The following CBFA2T2 variants were observed in gnomAD, a reference collection of about 807,000 sequenced individuals.
CBFA2T2 encodes CBFA2/RUNX1 partner transcriptional co-repressor 2, also known as protein CBFA2T2.
A neutral mutation model predicts 62.2 loss-of-function variants in CBFA2T2; 11 were observed. That is an observed-to-expected ratio of 0.18 (90% CI 0.11 to 0.29). The LOEUF (loss-of-function observed/expected upper bound fraction) is 0.29. Ranked by LOEUF, CBFA2T2 falls within the 10% of genes least tolerant of loss-of-function variation. CBFA2T2 has a pLI of 1.00. For missense variants in CBFA2T2, 592 were observed against 774.1 expected, an observed-to-expected ratio of 0.76 and a Z score of 2.79; for synonymous variants, 295 against 287.5, an observed-to-expected ratio of 1.03 and a Z score of -0.27.
At chr20:33,589,144 T>G (rs1282405308) in intron 1 of CBFA2T2, among the ~76,000 whole-genome samples, 1 of 152,066 alleles carries the variant, frequency 6.6e-6, no homozygotes, top group Admixed American at 6.6e-5. Context: ...AGCTGCAACA[T>G]AAAAGTGGTG....
chr20:33,638,203 G>C (rs1262513588), intron 9 of CBFA2T2, among the ~76,000 whole-genome samples: 1 of 151,854 alleles, frequency 6.6e-6, no homozygotes, highest in African/African-American at 2.4e-5. Flanking sequence ...TCGAACTCTT[G>C]ACTTCAGGTG....
chr20:33,490,285 A>G lies in CBFA2T2; in HGVS notation c.18A>G (p.Gly6=). MVGVP[G]AAAFQLGPEK... ...GCTCGGCGATGGTAGGCGTCCCTGGAGCGGCCGCCTTCCAGCGTAAGTGGG... is the reference window on the plus strand; with the variant it reads ...GCTCGGCGATGGTAGGCGTCCCTGGGGCGGCCGCCTTCCAGCGTAAGTGGG... The change falls in exon 1 of 11, where the codon GGA becomes GGG. Residue 6 remains glycine, a synonymous_variant. Coordinates refer to ENST00000342704, the MANE Select transcript of CBFA2T2 (RefSeq NM_001032999.3). 7.9e-7 allele frequency: 1 copy of G among 1,265,310 alleles called. No individual in the cohort carries two copies. The highest frequency in any genetic ancestry group is 3.4e-5 in the South Asian group (1 of 29,276). The allele number at this position is 1,265,310 out of a possible 1,614,324, so 78.4% of individuals were successfully genotyped here. A position where few individuals can be genotyped will look rare whatever the true frequency, so the allele number is the denominator to read the frequency against.
chr20:33,547,799 A>G (rs2012624274), intron 1 of CBFA2T2, among the ~76,000 whole-genome samples: 1 of 151,998 alleles, frequency 6.6e-6, no homozygotes, highest in Non-Finnish European at 1.5e-5. Flanking sequence ...AGGCACTCCC[A>G]GTATTTTGAA....
intron 1 of CBFA2T2, among the ~76,000 whole-genome samples, chr20:33,543,838 A>T (rs6059373): frequency 0.037 from 5,565 of 152,114 alleles, 142 homozygotes; most frequent in African/African-American, 0.069. Flanking sequence ...TTAATTAATT[A>T]ATTTATTTAT....
intron 1 of CBFA2T2, among the ~76,000 whole-genome samples, chr20:33,494,224 G>A (rs2011170741): frequency 9.4e-6 from 1 of 106,534 alleles, no homozygotes; most frequent in Non-Finnish European, 1.8e-5. Context: ...ACTGTACTAT[G>A]TATTAGGCAT....
rs1197747645 is a variant in CBFA2T2 at position 33,631,166 on chromosome 20, T to G, written c.1228+1252T>G. On this transcript the variant is annotated intron_variant, in intron 8 of 10. Coordinates refer to ENST00000342704, the MANE Select transcript of CBFA2T2 (RefSeq NM_001032999.3). ...CGTCTCTACTAAAAATACAAAAAAT[T>G]AGCCAGGCGTGGTGGCGGACGCCTG... 2.0e-5 allele frequency among the ~76,000 whole-genome samples: 3 copies of G among 151,580 alleles called. No homozygotes were observed. In the East Asian group the frequency reaches 5.8e-4, roughly 29 times the overall value.
intron 1 of CBFA2T2, among the ~76,000 whole-genome samples, chr20:33,556,712 A>T (rs181168916): frequency 2.6e-3 from 393 of 152,186 alleles, no homozygotes; most frequent in Non-Finnish European, 4.5e-3. Context: ...TGACATTATA[A>T]GCATGAGCAG....
chr20:33,623,182 A>T lies in CBFA2T2; in HGVS notation c.578A>T (p.Gln193Leu), dbSNP rs2016061012. 2 of 1,614,110 alleles carry T rather than the reference A, an allele frequency of 1.2e-6. No individual in the cohort carries two copies. Among genetic ancestry groups the T allele is most frequent in the South Asian group, 2.2e-5 (2 of 91,090 alleles). ...CGGGCGGCCAAGCAGACCCCATCCC[A>T]GTACCTGGCTCAGCACGAACACCTT... ...CARAAKQTPS[Q>L]YLAQHEHLLL... Residue 193 changes from glutamine to leucine, a missense_variant, in exon 5 of 11, where the codon CAG (glutamine) becomes CTG (leucine). By Grantham distance (113) the Gln-to-Leu change is moderately radical. This residue lies in a region of CBFA2T2 where 449 missense variants were observed against 551.2 expected (regional missense o/e 0.81). Transcript: ENST00000342704.
chr20:33,516,603 G>C (rs1456905879), intron 1 of CBFA2T2, among the ~76,000 whole-genome samples: 1 of 152,246 alleles, frequency 6.6e-6, no homozygotes, highest in Non-Finnish European at 1.5e-5. Flanking sequence ...GAAACCCTGT[G>C]CTGGGATTAC....
At chr20:33,502,295 C>CCCCT (rs1445988718) in intron 1 of CBFA2T2, among the ~76,000 whole-genome samples, 3 of 152,202 alleles carry the variant, frequency 2.0e-5, no homozygotes, top group Non-Finnish European at 2.9e-5. Context: ...CCAGGGAGAT[C>CCCCT]CCCTTCAAGC....
chr20:33,594,821 G>A (rs763545218), intron 1 of CBFA2T2, among the ~76,000 whole-genome samples: 6 of 152,290 alleles, frequency 3.9e-5, no homozygotes, highest in African/African-American at 1.2e-4. Context: ...GGATTCAGTC[G>A]ATTTTGATTG....
At chr20:33,591,881 G>T (rs1277594956) in intron 1 of CBFA2T2, among the ~76,000 whole-genome samples, 1 of 151,952 alleles carries the variant, frequency 6.6e-6, no homozygotes, top group Admixed American at 6.6e-5. Context: ...CCTCCTGTAA[G>T]TCATGGTCAT....
intron 1 of CBFA2T2, among the ~76,000 whole-genome samples, chr20:33,581,486 G>A (rs1452081830): frequency 6.6e-6 from 1 of 152,054 alleles, no homozygotes; most frequent in Non-Finnish European, 1.5e-5. Flanking sequence ...TTCTTTGTGT[G>A]TGTGTGTGTG....
At chr20:33,566,464 G>A (rs908548151) in intron 1 of CBFA2T2, among the ~76,000 whole-genome samples, 26 of 152,016 alleles carry the variant, frequency 1.7e-4, no homozygotes, top group African/African-American at 6.0e-4. Context: ...AAATTAGCCG[G>A]GCGTGGTGAC....
intron 1 of CBFA2T2, among the ~76,000 whole-genome samples, chr20:33,551,401 A>G (rs1401577130): frequency 6.6e-6 from 1 of 152,044 alleles, no homozygotes; most frequent in Non-Finnish European, 1.5e-5. Flanking sequence ...TTTTTAGTAG[A>G]GACGGGGTTT....
intron 1 of CBFA2T2, among the ~76,000 whole-genome samples, chr20:33,550,731 C>T (rs2012717744): frequency 6.6e-6 from 1 of 152,038 alleles, no homozygotes; most frequent in African/African-American, 2.4e-5. Context: ...AAGCAATTCT[C>T]CTGCCTCAGC....
chr20:33,563,105 C>T (rs1342831570), intron 1 of CBFA2T2, among the ~76,000 whole-genome samples: 4 of 152,146 alleles, frequency 2.6e-5, no homozygotes, highest in African/African-American at 4.8e-5. Context: ...TCAGTATATG[C>T]AGGCAAATTA....
At chr20:33,614,260 T>C (rs1392307165) in intron 3 of CBFA2T2, among the ~76,000 whole-genome samples, 1 of 152,188 alleles carries the variant, frequency 6.6e-6, no homozygotes, top group Non-Finnish European at 1.5e-5. Flanking sequence ...TTATAGAATA[T>C]ACCATTTTAA....
In CBFA2T2 at chr20:33,625,002, A is replaced by G. The variant is rs1224413571; in HGVS notation, c.931A>G (p.Arg311Gly). Reference protein sequence around the residue: ...KMLEHREVRDRHHSLGLNGGY... With the variant: ...KMLEHREVRDGHHSLGLNGGY... ...GCTAGAGCATCGAGAAGTTCGTGAT[A>G]GACACCACAGTCTTGGTAAGCAACC... Residue 311 changes from arginine (R) to glycine (G), a missense_variant, in exon 6 of 11, where the codon AGA (arginine) becomes GGA (glycine). Transcript: ENST00000342704. The G allele has an allele frequency of 3.7e-6, 6 of 1,613,804 alleles. No individual in the cohort carries two copies. In the South Asian group the frequency reaches 4.4e-5, roughly 12 times the overall value.
Sources: allele counts gnomAD v4.1 joint callset (sites outside exome capture counted in the v4.1 genomes callset), GRCh38; gene constraint gnomAD v4.1.1; regional missense constraint gnomAD v4.1.1; transcripts MANE v1.5; gene names NCBI Gene and HGNC (gene_info 2026-07-23, HGNC 2026-07-21).